The following AK5 variants were observed in gnomAD, a reference collection of about 807,000 sequenced individuals.
The protein encoded by AK5 is adenylate kinase 5, also known as adenylate kinase isoenzyme 5.
AK5 carries 27 observed loss-of-function variants against 69.5 expected under a neutral mutation model. That is an observed-to-expected ratio of 0.39 (90% CI 0.29 to 0.54). The LOEUF (loss-of-function observed/expected upper bound fraction) is 0.54, where lower values mean the gene tolerates loss of function less well. Among genes scored for constraint, AK5 ranks in the 20% least tolerant of loss-of-function variants. The pLI is 0.71. For missense variants in AK5, 531 were observed against 700.4 expected (o/e 0.76, Z 2.73); for synonymous variants, 260 against 244.4 (o/e 1.06, Z -0.60).
intron 2 of AK5, among the ~76,000 whole-genome samples, chr1:77,287,970 T>A (rs936596555): frequency 4.7e-4 from 69 of 147,600 alleles, no homozygotes; most frequent in African/African-American, 1.6e-3. Flanking sequence ...CCACAAGGAC[T>A]CAAATATAGA....
chr1:77,481,231 C>T (rs1655235974), intron 8 of AK5, among the ~76,000 whole-genome samples: 1 of 152,222 alleles, frequency 6.6e-6, no homozygotes, highest in African/African-American at 2.4e-5. Context: ...GACGGCATGG[C>T]CATGGGCCCT....
chr1:77,475,396 A>AC (rs1393990447), intron 8 of AK5, among the ~76,000 whole-genome samples: 244 of 9,364 alleles, frequency 0.026, 3 homozygotes, highest in Non-Finnish European at 0.053. Context: ...ATGTATATAT[A>AC]TAATATATAT....
At chr1:77,391,415 ATATATG>A (rs1458513306) in intron 6 of AK5, among the ~76,000 whole-genome samples, 2 of 128,332 alleles carry the variant, frequency 1.6e-5, no homozygotes, top group African/African-American at 3.1e-5. Context: ...ACACACACAT[ATATATG>A]TATATATATA....
intron 6 of AK5, among the ~76,000 whole-genome samples, chr1:77,379,165 G>A (rs146202992): frequency 2.6e-5 from 4 of 152,312 alleles, no homozygotes; most frequent in Non-Finnish European, 5.9e-5. Flanking sequence ...AGCACTGTGT[G>A]GCAGGGGTCC....
chr1:77,367,273 A>G (rs994399894), intron 6 of AK5, among the ~76,000 whole-genome samples: 2 of 151,542 alleles, frequency 1.3e-5, no homozygotes, highest in African/African-American at 4.9e-5. Flanking sequence ...ACATAGTGAG[A>G]TATCTTGGGC....
At chr1:77,362,397 C>T (rs1557527856) in intron 6 of AK5, among the ~76,000 whole-genome samples, 1 of 152,044 alleles carries the variant, frequency 6.6e-6, no homozygotes, top group Admixed American at 6.6e-5. Context: ...ATTATCTGTC[C>T]AAGCATATAT....
chr1:77,368,142 G>A (rs1222706075), intron 6 of AK5, among the ~76,000 whole-genome samples: 2 of 131,552 alleles, frequency 1.5e-5, no homozygotes, highest in Non-Finnish European at 3.2e-5. Context: ...AAGTCACTGA[G>A]TAATTTACCA....
chr1:77,558,442 T>C (rs565899337), intron 13 of AK5, among the ~76,000 whole-genome samples, 160 bp from the exon 14 acceptor site: 6 of 147,756 alleles, frequency 4.1e-5, no homozygotes, highest in African/African-American at 9.8e-5. Flanking sequence ...AGACACCTAG[T>C]TTTAAAACTA....
At chr1:77,531,307 C>A in intron 12 of AK5, among the ~76,000 whole-genome samples, 1 of 152,274 alleles carries the variant, frequency 6.6e-6, no homozygotes, top group Admixed American at 6.5e-5. Flanking sequence ...ACAGTGTGGA[C>A]GGGGACCCCA....
intron 8 of AK5, among the ~76,000 whole-genome samples, chr1:77,460,992 G>A (rs1653798135): frequency 1.3e-5 from 2 of 151,258 alleles, no homozygotes; most frequent in Non-Finnish European, 2.9e-5. Context: ...CCAAAGTGCT[G>A]GATTACAGGC....
chr1:77,406,704 G>GAAA (rs752481198), intron 6 of AK5, among the ~76,000 whole-genome samples: 1 of 147,632 alleles, frequency 6.8e-6, no homozygotes, highest in African/African-American at 2.5e-5. Context: ...CTGATGCTGA[G>GAAA]GAAAAAAAAA....
At chr1:77,550,438 T>C (rs368657532) in intron 13 of AK5, among the ~76,000 whole-genome samples, 22 of 152,340 alleles carry the variant, frequency 1.4e-4, no homozygotes, top group African/African-American at 5.1e-4. Context: ...TAATTGATTA[T>C]AGAGGAAACA....
Position 77,470,848 on chromosome 1 carries a change from TATATATATATA to T in AK5, c.1060-12468_1060-12458del, listed in dbSNP as rs1654429414. Among the ~76,000 whole-genome samples, 35 of 12,836 alleles carry T rather than the reference TATATATATATA, an allele frequency of 2.7e-3. 5 individuals carry two copies. Among genetic ancestry groups the T allele is most frequent in the Middle Eastern group, 0.023 (1 of 44 alleles). 8.4% of individuals were successfully genotyped at this position (12,836 alleles called of 152,430 possible). ...TAGAATATATATATATATATATATA[TATATATATATA>T]TATATATATATATATATTTTTTTTT... On this transcript the variant is annotated intron_variant, in intron 8 of 13. Coordinates refer to ENST00000354567, the MANE Select transcript of AK5 (RefSeq NM_174858.3).
At chr1:77,541,159 G>A (rs565219247) in intron 13 of AK5, among the ~76,000 whole-genome samples, 2 of 152,230 alleles carry the variant, frequency 1.3e-5, no homozygotes, top group East Asian at 3.9e-4. Context: ...TGCCTGCCTT[G>A]GCCTCCCAAG....
intron 6 of AK5, among the ~76,000 whole-genome samples, chr1:77,394,620 ATAG>A (rs2100534784): frequency 6.6e-6 from 1 of 152,108 alleles, no homozygotes; most frequent in South Asian, 2.1e-4. Flanking sequence ...TGCATGGCAT[ATAG>A]TAGGTGCACA....
At chr1:77,504,439 A>C in intron 10 of AK5, among the ~76,000 whole-genome samples, 1 of 72,442 alleles carries the variant, frequency 1.4e-5, no homozygotes, top group East Asian at 3.5e-4. Context: ...GTGTATATAT[A>C]TATTTTTTTT....
At chr1:77,480,065 G>A (rs1557623772) in intron 8 of AK5, among the ~76,000 whole-genome samples, 1 of 152,168 alleles carries the variant, frequency 6.6e-6, no homozygotes, top group Non-Finnish European at 1.5e-5. Flanking sequence ...AGTGCTTACA[G>A]GGGCTGTTTG....
chr1:77,431,492 G>A (rs1341591131), intron 8 of AK5, among the ~76,000 whole-genome samples: 1 of 152,138 alleles, frequency 6.6e-6, no homozygotes, highest in African/African-American at 2.4e-5. Flanking sequence ...AGAGAGCAAA[G>A]CATTGGCAGA....
intron 6 of AK5, among the ~76,000 whole-genome samples, chr1:77,401,798 T>C (rs1029127731): frequency 1.3e-5 from 2 of 152,210 alleles, no homozygotes; most frequent in African/African-American, 4.8e-5. Context: ...ATAATTCCCT[T>C]TCCTAATCTA....
Sources: allele counts gnomAD v4.1 joint callset (sites outside exome capture counted in the v4.1 genomes callset), GRCh38; gene constraint gnomAD v4.1.1; transcripts MANE v1.5; gene names NCBI Gene and HGNC (gene_info 2026-07-23, HGNC 2026-07-21).